ZNF385D: variants seen among roughly 807,000 people sequenced by gnomAD.
The protein encoded by ZNF385D is zinc finger protein 659.
A neutral mutation model predicts 35.8 loss-of-function variants in ZNF385D; 15 were observed. The observed-to-expected ratio is 0.42, with a 90% CI of 0.28 to 0.64. ZNF385D has a LOEUF of 0.64. ZNF385D is among the 30% of genes least tolerant of loss of function. The pLI is 0.23. For synonymous variants in ZNF385D, 212 were observed against 186.8 expected, an observed-to-expected ratio of 1.13 and a Z score of -1.10; for missense variants, 474 against 494.6, an observed-to-expected ratio of 0.96 and a Z score of 0.39.
chr3:22,306,813 G>T (rs1481073032), intron 2 of ZNF385D, among the ~76,000 whole-genome samples: 1 of 152,010 alleles, frequency 6.6e-6, no homozygotes, highest in Non-Finnish European at 1.5e-5. Context: ...ACAAAGGAGA[G>T]GTTTAGATAT....
intron 2 of ZNF385D, among the ~76,000 whole-genome samples, chr3:22,289,302 A>G (rs1016452607): frequency 1.3e-5 from 2 of 152,146 alleles, no homozygotes; most frequent in African/African-American, 2.4e-5. Flanking sequence ...GTGGGTAGGG[A>G]GTCAATTCAT....
At chr3:21,788,821 T>C (rs543696374) in intron 3 of ZNF385D, among the ~76,000 whole-genome samples, 1 of 152,252 alleles carries the variant, frequency 6.6e-6, no homozygotes, top group East Asian at 1.9e-4. Context: ...ATCCAACAAC[T>C]GTAGAAGTTC....
chr3:21,468,708 G>A (rs370302700), intron 4 of ZNF385D, among the ~76,000 whole-genome samples: 5 of 151,964 alleles, frequency 3.3e-5, no homozygotes, highest in South Asian at 4.2e-4. Context: ...GGCGGATCAC[G>A]AGGTCAGGAG....
chr3:21,983,659 T>TA (rs1335862614), intron 3 of ZNF385D, among the ~76,000 whole-genome samples: 2 of 106,940 alleles, frequency 1.9e-5, no homozygotes, highest in Non-Finnish European at 3.8e-5. Context: ...GCATGATTTA[T>TA]AGTCATTTGG....
intron 3 of ZNF385D, among the ~76,000 whole-genome samples, chr3:22,123,970 A>C (rs1000997003): frequency 0.018 from 2,146 of 119,106 alleles, 22 homozygotes; most frequent in African/African-American, 0.025. Context: ...CTCTATATAT[A>C]TATATATATA....
chr3:22,296,472 T>C (rs2125405335), intron 2 of ZNF385D, among the ~76,000 whole-genome samples: 1 of 152,230 alleles, frequency 6.6e-6, no homozygotes, highest in East Asian at 1.9e-4. Flanking sequence ...GTATGTCTAA[T>C]GCCTATGAAA....
At position 22,067,110 on chromosome 3, in the gene ZNF385D, A is replaced by C. The variant is rs985329929; in HGVS notation, c.325+101707T>G. On this transcript the variant is annotated intron_variant, in intron 3 of 5. Coordinates refer to the ZNF385D transcript ENST00000494108. The stretch of plus-strand genomic sequence containing the variant: ...TACATTAGTTAGAAGCTGTTAAAGT[A>C]ATGGTACAGGCATTAGAAAAATAAA... 2.0e-5 allele frequency among the ~76,000 whole-genome samples: 3 copies of C among 152,216 alleles called. No homozygotes were observed. In the South Asian group the frequency reaches 6.2e-4, roughly 32 times the overall value.
chr3:22,265,315 TTTC>T (rs1314728671), intron 2 of ZNF385D, among the ~76,000 whole-genome samples: 1 of 151,966 alleles, frequency 6.6e-6, no homozygotes. Flanking sequence ...TTAAAACCAG[TTTC>T]TACTGCTGTA....
chr3:22,032,483 C>T (rs1698061682), intron 3 of ZNF385D, among the ~76,000 whole-genome samples: 1 of 152,152 alleles, frequency 6.6e-6, no homozygotes, highest in Non-Finnish European at 1.5e-5. Context: ...AATCACCACC[C>T]ACCAGGTTCT....
At chr3:21,619,621 A>G (rs2125810133) in intron 2 of ZNF385D, among the ~76,000 whole-genome samples, 1 of 152,268 alleles carries the variant, frequency 6.6e-6, no homozygotes. Flanking sequence ...CTTCCGTTAG[A>G]AACTCCTTGA....
chr3:21,444,249 T>C (rs183673353), intron 4 of ZNF385D, among the ~76,000 whole-genome samples: 1 of 150,826 alleles, frequency 6.6e-6, no homozygotes, highest in Non-Finnish European at 1.5e-5. Flanking sequence ...CCGGCTAATT[T>C]TTTTGTATTT....
chr3:21,560,338 G>A (rs1262943171), intron 3 of ZNF385D, among the ~76,000 whole-genome samples: 1 of 152,182 alleles, frequency 6.6e-6, no homozygotes, highest in Non-Finnish European at 1.5e-5. Flanking sequence ...TTCGGATGGG[G>A]TCTGTCAGTG....
upstream of ZNF385D, among the ~76,000 whole-genome samples, chr3:21,754,832 C>T (rs1466918584): frequency 1.3e-5 from 2 of 152,058 alleles, no homozygotes; most frequent in South Asian, 2.1e-4. Context: ...GTACCTGCTA[C>T]TTGTCATTAT....
At chr3:21,944,334 G>A (rs1701673715) in intron 3 of ZNF385D, among the ~76,000 whole-genome samples, 2 of 152,192 alleles carry the variant, frequency 1.3e-5, no homozygotes, top group African/African-American at 4.8e-5. Context: ...ATCACACTGA[G>A]AACTGTCAAA....
intron 2 of ZNF385D, among the ~76,000 whole-genome samples, chr3:22,171,895 AAAAAAAAT>A (rs1694475541): frequency 8.3e-6 from 1 of 120,956 alleles, no homozygotes; most frequent in African/African-American, 3.0e-5. Context: ...AAAAAAAAAA[AAAAAAAAT>A]TATAGATTTT....
rs1559618048 is a variant in ZNF385D at position 21,783,408 on chromosome 3, G to A, written c.326-118380C>T. Among the ~76,000 whole-genome samples the A allele has an allele frequency of 2.0e-5, 3 of 152,078 alleles. No homozygotes were observed. The South Asian group carries it at 6.2e-4, about 32-fold the overall frequency. On this transcript the variant is annotated intron_variant, in intron 3 of 5. Coordinates refer to the ZNF385D transcript ENST00000494108. ...GACCTTCAATGAAATCTTTGGAGTAGGAGAAGGGAAACAGCACCTTCTCCT... is the reference window on the plus strand; with the variant it reads ...GACCTTCAATGAAATCTTTGGAGTAAGAGAAGGGAAACAGCACCTTCTCCT...
chr3:22,040,721 T>C (rs185254843), intron 3 of ZNF385D, among the ~76,000 whole-genome samples: 248 of 152,248 alleles, frequency 1.6e-3, no homozygotes, highest in Non-Finnish European at 2.7e-3. Context: ...CAGAAAAGAC[T>C]ATCTTATTCA....
In ZNF385D at chr3:22,242,545, T is replaced by C. The variant is rs557693801; in HGVS notation, c.107-73510A>G. Among the ~76,000 whole-genome samples, 290 of 150,908 alleles carry C rather than the reference T, an allele frequency of 1.9e-3. 3 individuals are homozygous for C. The highest frequency in any genetic ancestry group is 2.8e-3 in the Non-Finnish European group (191 of 67,900). ...AGAAAAAAAAACTCAAAACAACGGA[T>C]AGTTTACAAAACACCTAACCAGTAC... On this transcript the variant is annotated intron_variant, in intron 2 of 5. Transcript: ENST00000494108.
At chr3:21,947,921 A>G (rs768329364) in intron 3 of ZNF385D, among the ~76,000 whole-genome samples, 4 of 152,170 alleles carry the variant, frequency 2.6e-5, no homozygotes, top group Non-Finnish European at 4.4e-5. Context: ...TATATGAAGT[A>G]GAGAGCAAGA....
Sources: gnomAD v4.1 joint callset for allele counts (sites outside exome capture counted in the v4.1 genomes callset) on GRCh38, gnomAD v4.1.1 for gene constraint, MANE v1.5 for transcripts, NCBI Gene and HGNC (gene_info 2026-07-23, HGNC 2026-07-21) for gene names.